The following CDH20 variants were observed in gnomAD, a reference collection of about 807,000 sequenced individuals.
CDH20 encodes cadherin-20.
CDH20 carries 29 observed loss-of-function variants against 74.2 expected under a neutral mutation model. The ratio of observed to expected loss-of-function variants is 0.39; its 90% CI spans 0.29 to 0.53. The LOEUF (loss-of-function observed/expected upper bound fraction) is 0.53. Ranked by LOEUF, CDH20 falls within the 20% of genes least tolerant of loss-of-function variation. CDH20 has a pLI of 0.69. For synonymous variants in CDH20, 469 were observed against 405.4 expected, an observed-to-expected ratio of 1.16 and a Z score of -1.88; for missense variants, 988 against 1,048.3, an observed-to-expected ratio of 0.94 and a Z score of 0.79.
intron 1 of CDH20, among the ~76,000 whole-genome samples, chr18:61,362,790 A>C (rs1372706748): frequency 6.6e-6 from 1 of 152,096 alleles, no homozygotes; most frequent in African/African-American, 2.4e-5. Context: ...TTAGTATGAC[A>C]TAGTAGACTT....
intron 6 of CDH20, among the ~76,000 whole-genome samples, chr18:61,521,683 T>C (rs750809445): frequency 1.3e-5 from 2 of 151,352 alleles, no homozygotes. Context: ...AATAACATAC[T>C]GGCAAACTGA....
chr18:61,400,110 C>T (rs1912107972), intron 1 of CDH20, among the ~76,000 whole-genome samples: 1 of 152,180 alleles, frequency 6.6e-6, no homozygotes, highest in Admixed American at 6.5e-5. Flanking sequence ...ATCCTAGGAG[C>T]TGAATGTGTT....
At chr18:61,463,360 G>T (rs1031158894) in intron 1 of CDH20, among the ~76,000 whole-genome samples, 9 of 152,120 alleles carry the variant, frequency 5.9e-5, no homozygotes, top group Non-Finnish European at 1.2e-4. Context: ...TGGTCTGTGT[G>T]AATCTCTAAA....
chr18:61,404,819 AGC>A (rs1183232492), intron 1 of CDH20: 3 of 324,334 alleles, frequency 9.2e-6, no homozygotes, highest in East Asian at 6.3e-5. Flanking sequence ...TTTTTTAACA[AGC>A]ACTGGCAAAT....
chr18:61,508,856 T>A (rs909816607), intron 6 of CDH20, among the ~76,000 whole-genome samples: 1 of 152,200 alleles, frequency 6.6e-6, no homozygotes, highest in Non-Finnish European at 1.5e-5. Context: ...AGGCTGGTTG[T>A]GAACTCCTGA....
chr18:61,528,481 A>ACACACACACACACACACACACC lies in CDH20; in HGVS notation c.1271+262_1271+263insACACACACACACACACACACCC, dbSNP rs755504850. Among the ~76,000 whole-genome samples the ACACACACACACACACACACACC allele has an allele frequency of 8.0e-5, 12 of 149,316 alleles. No individual in the cohort carries two copies. The South Asian group carries it at 8.6e-4, about 11-fold the overall frequency. On this transcript the variant is annotated intron_variant, in intron 7 of 11. Coordinates refer to ENST00000262717, the MANE Select transcript of CDH20 (RefSeq NM_031891.4). ...CACACACACACACACACACACACAC[A>ACACACACACACACACACACACC]CCCCTTAGTTCTCAATCATGGTCCT...
At chr18:61,540,687 G>C (rs1026067697) in intron 9 of CDH20, among the ~76,000 whole-genome samples, 2 of 152,176 alleles carry the variant, frequency 1.3e-5, no homozygotes, top group African/African-American at 4.8e-5. Context: ...GATTTGGGTG[G>C]GGACACAGCC....
intron 1 of CDH20, among the ~76,000 whole-genome samples, chr18:61,456,790 T>C (rs1183591462): frequency 6.6e-6 from 1 of 152,132 alleles, no homozygotes; most frequent in African/African-American, 2.4e-5. Flanking sequence ...AACTGGGAAA[T>C]CCAAGATCAA....
chr18:61,357,710 G>T (rs927052000), intron 1 of CDH20, among the ~76,000 whole-genome samples: 1 of 152,082 alleles, frequency 6.6e-6, no homozygotes, highest in Non-Finnish European at 1.5e-5. Context: ...ATGTTGCAAG[G>T]CTGTTGAAAC....
At chr18:61,364,026 G>A (rs1049411358) in intron 1 of CDH20, among the ~76,000 whole-genome samples, 11 of 152,188 alleles carry the variant, frequency 7.2e-5, no homozygotes, top group African/African-American at 2.7e-4. Flanking sequence ...GATACACTTG[G>A]AACTGCACCT....
intron 1 of CDH20, among the ~76,000 whole-genome samples, chr18:61,461,963 C>T (rs998695853): frequency 6.6e-6 from 1 of 152,150 alleles, no homozygotes; most frequent in East Asian, 1.9e-4. Flanking sequence ...CAAACGAAGA[C>T]TTGGCCCGCA....
intron 1 of CDH20, among the ~76,000 whole-genome samples, chr18:61,387,963 G>T (rs904608953): frequency 6.8e-6 from 1 of 147,586 alleles, no homozygotes; most frequent in Non-Finnish European, 1.5e-5. Context: ...TTTATAGTGG[G>T]GAAAAAAAAA....
chr18:61,399,117 G>A (rs1387048345), intron 1 of CDH20, among the ~76,000 whole-genome samples: 1 of 151,222 alleles, frequency 6.6e-6, no homozygotes, highest in Non-Finnish European at 1.5e-5. Context: ...CTAATGGAAT[G>A]AAGACATAAG....
Position 61,554,815 on chromosome 18 carries a change from G to C in CDH20, c.*120G>C, listed in dbSNP as rs143524669. 1.5e-5 allele frequency: 22 copies of C among 1,431,982 alleles called. No individual in the cohort carries two copies. The African/African-American group carries it at 2.6e-4, about 17-fold the overall frequency. The allele number at this position is 1,431,982 out of a possible 1,614,324, so 88.7% of individuals were successfully genotyped here. ...TGGAGAGTGAGAATGGGGGTGAGCA[G>C]GCGAACAGAGCTCTCTCTGGATCAG... On this transcript the variant is annotated 3_prime_UTR_variant, in exon 12 of 12. Coordinates refer to ENST00000262717, the MANE Select transcript of CDH20 (RefSeq NM_031891.4).
intron 1 of CDH20, among the ~76,000 whole-genome samples, chr18:61,486,990 G>A (rs908328976): frequency 2.6e-5 from 4 of 152,140 alleles, no homozygotes; most frequent in Admixed American, 6.6e-5. Context: ...ACGAATTTAC[G>A]TAACAAACTA....
intron 1 of CDH20, among the ~76,000 whole-genome samples, chr18:61,400,592 A>G (rs1322565041): frequency 1.3e-5 from 2 of 152,168 alleles, no homozygotes; most frequent in Non-Finnish European, 2.9e-5. Flanking sequence ...GACAAAGGGA[A>G]CACAACCTCT....
intron 6 of CDH20, among the ~76,000 whole-genome samples, chr18:61,510,981 T>TTTC (rs1491435843): frequency 6.5e-3 from 1 of 154 alleles, no homozygotes; most frequent in Non-Finnish European, 0.019. Context: ...TCTTTCTTTC[T>TTTC]TTTTTTTTTT....
intron 1 of CDH20, among the ~76,000 whole-genome samples, chr18:61,378,866 C>T (rs1206962170): frequency 1.6e-4 from 25 of 152,132 alleles, no homozygotes; most frequent in African/African-American, 2.4e-5. Context: ...AACAACCACA[C>T]TCTAAGCACA....
At chr18:61,397,532 C>T (rs1912024227) in intron 1 of CDH20, among the ~76,000 whole-genome samples, 1 of 152,152 alleles carries the variant, frequency 6.6e-6, no homozygotes, top group Non-Finnish European at 1.5e-5. Flanking sequence ...CCTGACCACC[C>T]TATGCAGCCA....
Sources: allele counts gnomAD v4.1 joint callset (sites outside exome capture counted in the v4.1 genomes callset), GRCh38; gene constraint gnomAD v4.1.1; transcripts MANE v1.5; gene names NCBI Gene and HGNC (gene_info 2026-07-23, HGNC 2026-07-21).